The following FBXO47 variants were observed in gnomAD, a reference collection of about 807,000 sequenced individuals.
The protein encoded by FBXO47 is F-box protein 47.
FBXO47 carries 34 observed loss-of-function variants against 53.9 expected under a neutral mutation model. That is an observed-to-expected ratio of 0.63 (90% confidence interval 0.48 to 0.84). The LOEUF is 0.84. FBXO47 is among the 40% of genes least tolerant of loss of function. The pLI is 0.00. For missense variants in FBXO47, 485 were observed against 541.3 expected (o/e 0.90, Z 1.03); for synonymous variants, 165 against 181.6 (o/e 0.91, Z 0.73).
chr17:38,965,709 TAAAAA>T (rs71141742), intron 1 of FBXO47, among the ~76,000 whole-genome samples: 3 of 61,626 alleles, frequency 4.9e-5, no homozygotes, highest in African/African-American at 1.2e-4. Context: ...CCTTCTCTAC[TAAAAA>T]AAAAAAAAAA....
At chr17:38,958,612 G>T (rs911682581) in intron 3 of FBXO47, among the ~76,000 whole-genome samples, 2 of 151,972 alleles carry the variant, frequency 1.3e-5, no homozygotes, top group African/African-American at 4.8e-5. Context: ...TCCTATGAGG[G>T]CAAATGTCCT....
intron 5 of FBXO47, among the ~76,000 whole-genome samples, chr17:38,953,618 C>G (rs1905413249): frequency 6.6e-6 from 1 of 152,082 alleles, no homozygotes; most frequent in African/African-American, 2.4e-5. Flanking sequence ...GAGTGAGACT[C>G]TGCCTCAAAA....
At chr17:38,938,980 A>G (rs1162899507) in intron 9 of FBXO47, among the ~76,000 whole-genome samples, 1 of 152,100 alleles carries the variant, frequency 6.6e-6, no homozygotes, top group Non-Finnish European at 1.5e-5. Context: ...ATAGAAGAAT[A>G]TTTACTAATG....
chr17:38,949,318 G>T (rs953854730), intron 6 of FBXO47, among the ~76,000 whole-genome samples: 1 of 152,116 alleles, frequency 6.6e-6, no homozygotes, highest in Non-Finnish European at 1.5e-5. Context: ...TACTCGGGAG[G>T]CTGAGGTTGG....
chr17:38,941,505 T>C, intron 9 of FBXO47, among the ~76,000 whole-genome samples: 1 of 150,960 alleles, frequency 6.6e-6, no homozygotes, highest in Admixed American at 6.6e-5. Flanking sequence ...GACAGGGTCT[T>C]GCTGTGTTTT....
chr17:38,937,136 G>A lies in FBXO47; in HGVS notation c.*39C>T, dbSNP rs749935471. On this transcript the variant is annotated 3_prime_UTR_variant, in exon 11 of 11. Transcript: ENST00000378079. ...AAAAGTAGCACTCCTCTAATCATTC[G>A]TTCAGTGACGTTCTCTAAAGGCAAG... is the stretch of plus-strand genomic sequence containing the variant. 9 of 868,288 alleles carry A rather than the reference G, an allele frequency of 1.0e-5. No homozygotes were observed. The highest frequency in any genetic ancestry group is 3.2e-5 in the South Asian group (2 of 61,882). 53.8% of individuals were successfully genotyped at this position (868,288 alleles called of 1,614,324 possible).
Position 38,943,729 on chromosome 17 carries a change from C to T in FBXO47, c.801G>A (p.Val267=). ...GTTCTTCTATCATTTCCTGCCAAAC[C>T]ACCTGTCCTGAATTGAAACAAAAAC... The part of the protein sequence containing the change: ...FGPISPQDGQ[V]VWQEMIEEPT... Residue 267 remains valine (V), a synonymous_variant, in exon 8 of 11, where the codon GTG becomes GTA. Transcript: ENST00000378079. 6.2e-7 allele frequency: 1 copy of T among 1,605,214 alleles called. No individual in the cohort carries two copies. The highest frequency in any genetic ancestry group is 8.5e-7 in the Non-Finnish European group (1 of 1,177,536).
chr17:38,950,456 C>T (rs1169076501), intron 6 of FBXO47, among the ~76,000 whole-genome samples: 3 of 149,972 alleles, frequency 2.0e-5, no homozygotes, highest in Non-Finnish European at 3.0e-5. Flanking sequence ...GGATCATGCC[C>T]GCCTAATTTT....
Position 38,952,815 on chromosome 17 carries a change from C to CTTTTTTTTTTTTTTTTT in FBXO47, c.508-1143_508-1127dup, listed in dbSNP as rs139105548. 1.8e-4 allele frequency among the ~76,000 whole-genome samples: 21 copies of CTTTTTTTTTTTTTTTTT among 115,354 alleles called. No homozygotes were observed. The South Asian group carries it at 4.3e-3, about 24-fold the overall frequency. 75.7% of individuals were successfully genotyped at this position (115,354 alleles called of 152,430 possible). A position where few individuals can be genotyped will look rare whatever the true frequency, so the allele number is the denominator to read the frequency against. On this transcript the variant is annotated intron_variant, in intron 5 of 10. Transcript: ENST00000378079. ...GACAATTCTGAGCATTTATTTATGACTTTTTTTTTTTTTTTTTTTGTAGAG... is the reference window on the plus strand; with the variant it reads ...GACAATTCTGAGCATTTATTTATGACTTTTTTTTTTTTTTTTTTTTTTTTTTTTTTTTTTTTGTAGAG...
intron 1 of FBXO47, among the ~76,000 whole-genome samples, chr17:38,963,325 G>T (rs552188818): frequency 3.9e-5 from 6 of 151,930 alleles, no homozygotes; most frequent in Admixed American, 6.6e-5. Flanking sequence ...TTACAGTCAT[G>T]TGCCACCATG....
chr17:38,942,850 G>A lies in FBXO47; in HGVS notation c.1011C>T (p.Phe337=), dbSNP rs776854349. 6.2e-7 allele frequency: 1 copy of A among 1,613,720 alleles called. No individual in the cohort carries two copies. Among genetic ancestry groups the A allele is most frequent in the Non-Finnish European group, 8.5e-7 (1 of 1,179,856 alleles). ...TCACAGCTTTACTAGCCATGAAACT[G>A]AAACAGATGTTGTTTCCACTTAGCA... ...LLMLSGNNIC[F]SFMASKAVNG... Residue 337 remains phenylalanine, a synonymous_variant, in exon 9 of 11, where the codon TTC becomes TTT. Transcript: ENST00000378079.
intron 6 of FBXO47, among the ~76,000 whole-genome samples, chr17:38,945,761 CCT>C: frequency 6.6e-6 from 1 of 151,476 alleles, no homozygotes; most frequent in Non-Finnish European, 1.5e-5. Context: ...ACGGTGAAAC[CCT>C]GTCTCTACTA....
At chr17:38,937,914 C>T (rs1385407328) in intron 10 of FBXO47, among the ~76,000 whole-genome samples, 4 of 152,030 alleles carry the variant, frequency 2.6e-5, no homozygotes, top group Admixed American at 2.0e-4. Context: ...GTGATCCACC[C>T]GCCTCGGCCT....
At chr17:38,965,709 T>TAAAA (rs71141742) in intron 1 of FBXO47, among the ~76,000 whole-genome samples, 10 of 61,616 alleles carry the variant, frequency 1.6e-4, no homozygotes, top group African/African-American at 4.9e-4. Context: ...CCTTCTCTAC[T>TAAAA]AAAAAAAAAA....
At chr17:38,946,186 A>C (rs1256011507) in intron 6 of FBXO47, among the ~76,000 whole-genome samples, 1 of 116,094 alleles carries the variant, frequency 8.6e-6, no homozygotes, top group Non-Finnish European at 1.6e-5. Context: ...ATATATATAA[A>C]TATATAAAAA....
intron 6 of FBXO47, among the ~76,000 whole-genome samples, chr17:38,947,634 G>A (rs1905009590): frequency 6.6e-6 from 1 of 152,192 alleles, no homozygotes; most frequent in Non-Finnish European, 1.5e-5. Context: ...TAACGGCCAG[G>A]CGTGGTGGCT....
At position 38,939,461 on chromosome 17, in the gene FBXO47, TG is replaced by T. The variant is rs1426560355; in HGVS notation, c.1084-730del. Among the ~76,000 whole-genome samples the T allele has an allele frequency of 2.0e-5, 3 of 148,450 alleles. 1 individual carries two copies. Among genetic ancestry groups the T allele is most frequent in the African/African-American group, 7.5e-5 (3 of 40,238 alleles). On this transcript the variant is annotated intron_variant, in intron 9 of 10. Coordinates refer to ENST00000378079, the MANE Select transcript of FBXO47 (RefSeq NM_001008777.3). Reference sequence around the variant, plus strand: ...GATACAATGACAAACCATAAAGACATGGCTCTATTTTCAAGAAGTCCAATGA... The same window carrying T: ...GATACAATGACAAACCATAAAGACATGCTCTATTTTCAAGAAGTCCAATGA...
At chr17:38,959,556 G>T (rs937338343) in intron 3 of FBXO47, among the ~76,000 whole-genome samples, 2 of 143,762 alleles carry the variant, frequency 1.4e-5, no homozygotes, top group African/African-American at 2.7e-5. Context: ...CTCCAGTCTG[G>T]GCAACAGAGT....
intron 6 of FBXO47, among the ~76,000 whole-genome samples, chr17:38,950,909 T>G (rs746197234): frequency 2.6e-5 from 4 of 152,088 alleles, no homozygotes; most frequent in African/African-American, 9.7e-5. Context: ...ATTTATTTTA[T>G]TTTTATTTCT....
Sources: gnomAD v4.1 joint callset for allele counts (sites outside exome capture counted in the v4.1 genomes callset) on GRCh38, gnomAD v4.1.1 for gene constraint, MANE v1.5 for transcripts, NCBI Gene and HGNC (gene_info 2026-07-23, HGNC 2026-07-21) for gene names.